Variants in CSMD1 observed in about 807,000 individuals in gnomAD.
CSMD1 encodes the protein CUB and sushi domain-containing protein 1.
A neutral mutation model predicts 417.5 loss-of-function variants in CSMD1; 213 were observed. The observed-to-expected ratio is 0.51, with a 90% CI of 0.46 to 0.57. The LOEUF (loss-of-function observed/expected upper bound fraction) is 0.57. Among genes scored for constraint, CSMD1 ranks in the 20% least tolerant of loss-of-function variants. The probability of loss-of-function intolerance (pLI) is 0.00; values close to 1 mark genes in which losing one functional copy is unlikely to be tolerated. For missense variants in CSMD1, 6,923 were observed against 4,529.7 expected (o/e 1.53, Z -15.17); for synonymous variants, 2,862 against 1,736.8 (o/e 1.65, Z -16.11).
At chr8:4,289,175 A>C (rs942685121) in intron 3 of CSMD1, among the ~76,000 whole-genome samples, 1 of 152,202 alleles carries the variant, frequency 6.6e-6, no homozygotes, top group Non-Finnish European at 1.5e-5. Context: ...TATATTATAT[A>C]ACAGTTTATC....
intron 2 of CSMD1, among the ~76,000 whole-genome samples, chr8:4,435,769 C>A (rs950150048): frequency 1.2e-4 from 19 of 152,132 alleles, no homozygotes; most frequent in South Asian, 1.2e-3. Context: ...AGTACCATAC[C>A]TTTGACAGCT....
At chr8:3,500,929 G>C (rs1370827612) in intron 10 of CSMD1, among the ~76,000 whole-genome samples, 1 of 152,122 alleles carries the variant, frequency 6.6e-6, no homozygotes, top group African/African-American at 2.4e-5. Context: ...TCTTTTAATG[G>C]AGAATATTGC....
At chr8:4,606,509 G>C (rs73659146) in intron 2 of CSMD1, among the ~76,000 whole-genome samples, 2,565 of 152,224 alleles carry the variant, frequency 0.017, 57 homozygotes, top group African/African-American at 0.056. Flanking sequence ...TTCTGTGTGT[G>C]GCTGAAGACA....
At chr8:4,372,553 G>A (rs1055368998) in intron 3 of CSMD1, among the ~76,000 whole-genome samples, 4 of 151,766 alleles carry the variant, frequency 2.6e-5, no homozygotes, top group Non-Finnish European at 5.9e-5. Flanking sequence ...AAAGCCTTTT[G>A]GAGGAATGGC....
At chr8:4,453,551 C>T (rs552129335) in intron 2 of CSMD1, among the ~76,000 whole-genome samples, 1 of 152,326 alleles carries the variant, frequency 6.6e-6, no homozygotes, top group South Asian at 2.1e-4. Flanking sequence ...GACAGAATAA[C>T]TTGGGCCACA....
At chr8:4,571,915 C>G (rs1798912553) in intron 2 of CSMD1, among the ~76,000 whole-genome samples, 1 of 152,180 alleles carries the variant, frequency 6.6e-6, no homozygotes, top group South Asian at 2.1e-4. Context: ...GGTTTAAAGT[C>G]TGTTTTATCA....
chr8:4,000,087 A>G (rs1430805122), intron 4 of CSMD1, among the ~76,000 whole-genome samples: 1 of 152,228 alleles, frequency 6.6e-6, no homozygotes. Flanking sequence ...GCCCACTACC[A>G]AATGTCTGTC....
intron 6 of CSMD1, among the ~76,000 whole-genome samples, chr8:3,724,120 G>C (rs191660629): frequency 0.015 from 796 of 52,524 alleles, 40 homozygotes; most frequent in Non-Finnish European, 0.052. Flanking sequence ...GCAGATATGA[G>C]AAACCAGCCT....
intron 1 of CSMD1, among the ~76,000 whole-genome samples, chr8:4,971,242 G>T (rs1368037429): frequency 6.6e-6 from 1 of 151,850 alleles, no homozygotes; most frequent in Non-Finnish European, 1.5e-5. Context: ...TTGATAAAGT[G>T]GTTAAAAATT....
intron 7 of CSMD1, among the ~76,000 whole-genome samples, chr8:3,647,593 T>C (rs933132526): frequency 6.6e-6 from 1 of 152,158 alleles, no homozygotes; most frequent in Admixed American, 6.5e-5. Flanking sequence ...ACACAGCATG[T>C]TGGAACCACT....
rs2116783017 is a variant in CSMD1 at position 3,383,076 on chromosome 8, T to A, written c.2782+4418A>T. 1.3e-5 allele frequency among the ~76,000 whole-genome samples: 2 copies of A among 148,336 alleles called. 1 individual carries two copies. The highest frequency in any genetic ancestry group is 6.9e-3 in the Middle Eastern group (2 of 290). On this transcript the variant is annotated intron_variant, in intron 18 of 69. Transcript: ENST00000635120. ...ATAGCCAGATTGGAGAAGAAATGGA[T>A]CTGGACACTACATCGTTCCTTACCA...
chr8:3,144,815 G>A (rs1818740624), intron 40 of CSMD1, among the ~76,000 whole-genome samples: 1 of 131,294 alleles, frequency 7.6e-6, no homozygotes, highest in Admixed American at 7.7e-5. Context: ...GAGGGAGGGA[G>A]GGAGAAGGGG....
At chr8:3,738,564 G>A (rs1436952060) in intron 6 of CSMD1, among the ~76,000 whole-genome samples, 1 of 152,098 alleles carries the variant, frequency 6.6e-6, no homozygotes, top group African/African-American at 2.4e-5. Flanking sequence ...CCCTTTTCAG[G>A]GCTCTGTGCT....
At position 3,509,638 on chromosome 8, in the gene CSMD1, G is replaced by A. The variant is rs191595691; in HGVS notation, c.1345-15912C>T. On this transcript the variant is annotated intron_variant, in intron 10 of 69. Coordinates refer to ENST00000635120, the MANE Select transcript of CSMD1 (RefSeq NM_033225.6). ...AGATCTAATCTGGGAAAGGGAAGAAGCTATAAGATATCATCAACCTAACAA... is the reference window on the plus strand; with the variant it reads ...AGATCTAATCTGGGAAAGGGAAGAAACTATAAGATATCATCAACCTAACAA... 2.9e-3 allele frequency among the ~76,000 whole-genome samples: 441 copies of A among 152,322 alleles called. 1 individual carries two copies. The highest frequency in any genetic ancestry group is 0.02 in the South Asian group (95 of 4,826).
chr8:3,430,693 G>C (rs1814159630), intron 12 of CSMD1, among the ~76,000 whole-genome samples: 1 of 152,186 alleles, frequency 6.6e-6, no homozygotes, highest in African/African-American at 2.4e-5. Context: ...TGTAATCCCA[G>C]CTACTCAGGA....
chr8:3,603,669 G>C (rs1001824475), intron 8 of CSMD1, among the ~76,000 whole-genome samples: 3 of 152,148 alleles, frequency 2.0e-5, no homozygotes, highest in African/African-American at 7.2e-5. Context: ...AACCAAACTT[G>C]AATGTTTTTA....
chr8:3,068,040 GT>G (rs1471171908), intron 49 of CSMD1, among the ~76,000 whole-genome samples: 1 of 152,020 alleles, frequency 6.6e-6, no homozygotes, highest in Non-Finnish European at 1.5e-5. Flanking sequence ...ATATTTTATG[GT>G]TTGCCTTTTC....
At position 3,248,523 on chromosome 8, in the gene CSMD1, C is replaced by CTTTTTTTTTTT. The variant is rs10663439; in HGVS notation, c.4154-18303_4154-18293dup. Among the ~76,000 whole-genome samples the CTTTTTTTTTTT allele has an allele frequency of 1.1e-3, 91 of 85,980 alleles. 3 individuals carry two copies. Among genetic ancestry groups the CTTTTTTTTTTT allele is most frequent in the African/African-American group, 2.6e-3 (61 of 23,616 alleles). The allele number at this position is 85,980 out of a possible 152,430, so 56.4% of individuals were successfully genotyped here. ...GGTACGCCTGTAATCAATTCCCTCC[C>CTTTTTTTTTTT]TTTTTTTTTTTTTTTTTTTTTTTTG... On this transcript the variant is annotated intron_variant, in intron 26 of 69. Coordinates refer to ENST00000635120, the MANE Select transcript of CSMD1 (RefSeq NM_033225.6).
intron 54 of CSMD1, among the ~76,000 whole-genome samples, chr8:2,986,968 A>C (rs1805965842): frequency 6.6e-6 from 1 of 152,022 alleles, no homozygotes; most frequent in South Asian, 2.1e-4. Context: ...GCATATGCAA[A>C]TTCTCTACAC....
Sources: gnomAD v4.1 joint callset for allele counts (sites outside exome capture counted in the v4.1 genomes callset) on GRCh38, gnomAD v4.1.1 for gene constraint, MANE v1.5 for transcripts, NCBI Gene and HGNC (gene_info 2026-07-23, HGNC 2026-07-21) for gene names.